Variants in EBF2 observed in about 807,000 individuals in gnomAD.
EBF2 encodes transcription factor COE2.
EBF2 carries 21 observed loss-of-function variants against 72.8 expected under a neutral mutation model. The ratio of observed to expected loss-of-function variants is 0.29; its 90% CI spans 0.20 to 0.42. The LOEUF (loss-of-function observed/expected upper bound fraction) is 0.42, where lower values mean the gene tolerates loss of function less well. Ranked by LOEUF, EBF2 falls within the 10% of genes least tolerant of loss-of-function variation. EBF2 has a pLI of 1.00. For synonymous variants in EBF2, 299 were observed against 274.2 expected (o/e 1.09, Z -0.89); for missense variants, 637 against 731.2 (o/e 0.87, Z 1.49).
chr8:26,036,124 G>A (rs1805497659), intron 5 of EBF2, among the ~76,000 whole-genome samples: 1 of 152,202 alleles, frequency 6.6e-6, no homozygotes, highest in South Asian at 2.1e-4. Context: ...CACACTGTCA[G>A]AACGTGCCAA....
intron 15 of EBF2, among the ~76,000 whole-genome samples, chr8:25,847,287 C>T (rs894854746): frequency 4.6e-5 from 7 of 152,164 alleles, no homozygotes; most frequent in Admixed American, 1.3e-4. Flanking sequence ...GCACTCAGCC[C>T]ACATTGTCAC....
chr8:25,845,900 C>T (rs931258398), intron 15 of EBF2, among the ~76,000 whole-genome samples: 11 of 152,280 alleles, frequency 7.2e-5, no homozygotes, highest in African/African-American at 2.4e-4. Flanking sequence ...TACTAAGCTT[C>T]CAAGCAAATG....
chr8:25,976,794 G>A (rs1410439871), intron 6 of EBF2, among the ~76,000 whole-genome samples: 5 of 152,254 alleles, frequency 3.3e-5, no homozygotes, highest in African/African-American at 1.2e-4. Context: ...CGGTAAACAT[G>A]GACTCTTAAG....
chr8:26,012,260 T>C (rs924387548), intron 6 of EBF2, among the ~76,000 whole-genome samples: 7 of 152,190 alleles, frequency 4.6e-5, no homozygotes, highest in Non-Finnish European at 2.9e-5. Context: ...AGGTTGCCTT[T>C]GCTTAGTATA....
chr8:25,943,685 C>T (rs1459333516), intron 6 of EBF2, among the ~76,000 whole-genome samples: 1 of 152,102 alleles, frequency 6.6e-6, no homozygotes, highest in Non-Finnish European at 1.5e-5. Context: ...GGTAAAACTC[C>T]TCGTCCCTTA....
At chr8:26,040,553 C>CT in intron 4 of EBF2, 63 bp downstream of exon 4, 1 of 1,499,840 alleles carries the variant, frequency 6.7e-7, no homozygotes. Flanking sequence ...CAGAAACAAA[C>CT]TGGGGGGTTT....
At chr8:25,858,111 C>A (rs1234828899) in intron 14 of EBF2, 1 of 704,486 alleles carries the variant, frequency 1.4e-6, no homozygotes, top group East Asian at 2.8e-5. Flanking sequence ...CAATCCTTTT[C>A]TTTCCCCAAA....
At chr8:25,972,887 T>TTTTG (rs1554476909) in intron 6 of EBF2, among the ~76,000 whole-genome samples, 1 of 148,558 alleles carries the variant, frequency 6.7e-6, no homozygotes. Flanking sequence ...TTTTTTTTTT[T>TTTTG]GAAAATCACC....
intron 6 of EBF2, among the ~76,000 whole-genome samples, chr8:25,957,917 A>G (rs1283728194): frequency 6.6e-6 from 1 of 152,198 alleles, no homozygotes; most frequent in African/African-American, 2.4e-5. Context: ...TGCACAGACC[A>G]TCTTTAGCCA....
At chr8:26,022,096 T>C (rs1805211757) in intron 6 of EBF2, among the ~76,000 whole-genome samples, 1 of 152,222 alleles carries the variant, frequency 6.6e-6, no homozygotes, top group Non-Finnish European at 1.5e-5. Flanking sequence ...AAGCCTTCAG[T>C]ACAGTTAGAA....
At chr8:26,014,412 T>C (rs1216988394) in intron 6 of EBF2, among the ~76,000 whole-genome samples, 1 of 152,182 alleles carries the variant, frequency 6.6e-6, no homozygotes, top group Non-Finnish European at 1.5e-5. Context: ...TTGGTTTTGT[T>C]TCTTCAGGTA....
intron 6 of EBF2, among the ~76,000 whole-genome samples, chr8:25,930,686 C>T (rs925943985): frequency 6.6e-6 from 1 of 152,192 alleles, no homozygotes; most frequent in Admixed American, 6.5e-5. Context: ...AAACCTCTTT[C>T]TGTTGCTCAA....
chr8:26,042,666 C>T (rs1490352001), intron 1 of EBF2, among the ~76,000 whole-genome samples: 1 of 152,196 alleles, frequency 6.6e-6, no homozygotes, highest in Non-Finnish European at 1.5e-5. Flanking sequence ...GGATGCAGAG[C>T]TGGGGCCCAG....
intron 6 of EBF2, among the ~76,000 whole-genome samples, chr8:25,940,655 AG>A (rs1803654321): frequency 6.6e-6 from 1 of 152,098 alleles, no homozygotes; most frequent in African/African-American, 2.4e-5. Context: ...CACAAAACCA[AG>A]GCTTGGAGCA....
intron 6 of EBF2, among the ~76,000 whole-genome samples, chr8:26,028,394 C>A (rs1009747586): frequency 6.6e-6 from 1 of 152,170 alleles, no homozygotes; most frequent in African/African-American, 2.4e-5. Context: ...TAGGTTGGAC[C>A]TCCTCTTTAT....
chr8:25,892,128 T>C (rs1802792679), intron 7 of EBF2, among the ~76,000 whole-genome samples: 1 of 152,190 alleles, frequency 6.6e-6, no homozygotes, highest in African/African-American at 2.4e-5. Flanking sequence ...ATTATGCTTT[T>C]TCCTATACAT....
chr8:25,994,806 A>G (rs1182616602), intron 6 of EBF2, among the ~76,000 whole-genome samples: 2 of 152,202 alleles, frequency 1.3e-5, no homozygotes, highest in Non-Finnish European at 2.9e-5. Context: ...GGTAGGCAAA[A>G]AAAACTACCT....
At chr8:26,007,956 T>A (rs1005763134) in intron 6 of EBF2, among the ~76,000 whole-genome samples, 2 of 151,916 alleles carry the variant, frequency 1.3e-5, no homozygotes, top group South Asian at 4.2e-4. Context: ...AAAGAAGACA[T>A]CACTGCATAG....
At chr8:26,008,940 G>C (rs1804930962) in intron 6 of EBF2, among the ~76,000 whole-genome samples, 1 of 150,614 alleles carries the variant, frequency 6.6e-6, no homozygotes, top group Admixed American at 6.6e-5. Context: ...AAGCCAAAAA[G>C]TTTGTGATAT....
Sources: gnomAD v4.1 joint callset for allele counts (sites outside exome capture counted in the v4.1 genomes callset) on GRCh38, gnomAD v4.1.1 for gene constraint, MANE v1.5 for transcripts, NCBI Gene and HGNC (gene_info 2026-07-23, HGNC 2026-07-21) for gene names.